The following TOGARAM1 variants were observed in gnomAD, a reference collection of about 807,000 sequenced individuals.
The protein encoded by TOGARAM1 is TOG array regulator of axonemal microtubules protein 1.
A neutral mutation model predicts 166.6 loss-of-function variants in TOGARAM1; 100 were observed. That is an observed-to-expected ratio of 0.60 (90% confidence interval 0.51 to 0.71). The LOEUF (loss-of-function observed/expected upper bound fraction) is 0.71. Among genes scored for constraint, TOGARAM1 ranks in the 30% least tolerant of loss-of-function variants. TOGARAM1 has a pLI of 0.00. For missense variants in TOGARAM1, 2,029 were observed against 2,102.7 expected (o/e 0.96, Z 0.69); for synonymous variants, 758 against 763.8 (o/e 0.99, Z 0.13).
At position 44,962,605 on chromosome 14, in the gene TOGARAM1, A is replaced by G; in HGVS notation, c.184A>G (p.Thr62Ala). The change falls in exon 1 of 20, where the codon ACT becomes GCT. Residue 62 changes from threonine (T) to alanine (A), a missense_variant. Physicochemically the swap from Thr to Ala is moderately conservative, Grantham distance 58. Coordinates refer to ENST00000361462, the MANE Select transcript of TOGARAM1 (RefSeq NM_001308120.2). ...TGCGGGGGACCACGGTTCCTGCCCC[A>G]CTACAACTTCGCCTCTGGCCTCGGC... ...GAAGDHGSCP[T>A]TTSPLASALL... The G allele has an allele frequency of 6.2e-7, 1 of 1,613,642 alleles. No homozygotes were observed. The highest frequency in any genetic ancestry group is 1.1e-5 in the South Asian group (1 of 91,032).
At chr14:44,997,449 T>C (rs1887475513) in intron 2 of TOGARAM1, 1 of 148,858 alleles carries the variant, frequency 6.7e-6, no homozygotes, top group Non-Finnish European at 1.5e-5. Flanking sequence ...TGGATTCTGA[T>C]TATATGTCAG....
At chr14:45,008,239 CTTTTTTT>C (rs762193120) in intron 5 of TOGARAM1, 1 of 134,144 alleles carries the variant, frequency 7.5e-6, no homozygotes, top group African/African-American at 2.7e-5. Flanking sequence ...TCTGGATTTC[CTTTTTTT>C]TTTTTTTTTT....
chr14:44,976,112 A>C (rs913643659), intron 1 of TOGARAM1, among the ~76,000 whole-genome samples: 1 of 152,122 alleles, frequency 6.6e-6, no homozygotes, highest in Non-Finnish European at 1.5e-5. Flanking sequence ...AGAGTTCTCA[A>C]ATCTCACCCC....
In TOGARAM1 at chr14:44,963,198, C is replaced by A. The variant is rs1885296806; in HGVS notation, c.777C>A (p.Ser259=). ...TGGATCTCACCGAGGTGATAATATCCCTAGCCCGAAAGCTTGGTGATCAGG... is the reference window on the plus strand; with the variant it reads ...TGGATCTCACCGAGGTGATAATATCACTAGCCCGAAAGCTTGGTGATCAGG... ...LGLDLTEVII[S]LARKLGDQET... The change falls in exon 1 of 20, where the codon TCC becomes TCA. Residue 259 remains serine, a synonymous_variant. Transcript: ENST00000361462. 6.2e-7 allele frequency: 1 copy of A among 1,614,042 alleles called. No homozygotes were observed. The highest frequency in any genetic ancestry group is 1.3e-5 in the African/African-American group (1 of 74,900).
intron 16 of TOGARAM1, among the ~76,000 whole-genome samples, chr14:45,061,033 A>G (rs1417575174): frequency 2.0e-5 from 3 of 152,226 alleles, no homozygotes; most frequent in Non-Finnish European, 4.4e-5. Flanking sequence ...AGCAATTAGT[A>G]CATGGTTTTT....
rs1033150655 is a variant in TOGARAM1 at position 45,006,245 on chromosome 14, A to G, written c.2882A>G (p.Asp961Gly). The G allele has an allele frequency of 3.7e-6, 6 of 1,611,612 alleles. No homozygotes were observed. Among genetic ancestry groups the G allele is most frequent in the Non-Finnish European group, 5.1e-6 (6 of 1,178,450 alleles). Residue 961 changes from aspartate (D) to glycine (G), a missense_variant, in exon 5 of 20, where the codon GAT becomes GGT. By Grantham distance (94) the Asp-to-Gly change is moderately conservative (BLOSUM62 -1). Around this residue, in one of 2 missense-constraint regions of TOGARAM1, gnomAD observed 1,453 missense variants for 1,432.2 expected, o/e 1.01. Coordinates refer to ENST00000361462, the MANE Select transcript of TOGARAM1 (RefSeq NM_001308120.2). ...PIDLSELNFK[D>G]KDLDQEEMHS... The stretch of plus-strand genomic sequence containing the variant: ...GATCTTTCAGAATTAAATTTCAAGG[A>G]TAAAGATTTGGATCAAGAAGAGGTT...
chr14:44,964,390 A>C lies in TOGARAM1; in HGVS notation c.1969A>C (p.Asn657His). Residue 657 changes from asparagine to histidine, a missense_variant, in exon 1 of 20, where the codon AAT (asparagine) becomes CAT (histidine). Transcript: ENST00000361462. The part of the protein sequence containing the change: ...RRVLSAGKGK[N>H]KLPWENEQPG... Reference sequence around the variant, plus strand: ...GGTATTAAGTGCAGGAAAAGGAAAAAATAAATTACCATGGGAAAATGAGCA... The same window carrying C: ...GGTATTAAGTGCAGGAAAAGGAAAACATAAATTACCATGGGAAAATGAGCA... 1.2e-6 allele frequency: 2 copies of C among 1,613,412 alleles called. No individual in the cohort carries two copies. Among genetic ancestry groups the C allele is most frequent in the Non-Finnish European group, 8.5e-7 (1 of 1,179,682 alleles).
Position 44,999,362 on chromosome 14 carries a change from G to A in TOGARAM1, c.2204-1G>A. ...GTTTTCTCCCTTCCTTTCTTCAAAA[G>A]GTACTACTGGGACTCATCAAACAAA... On this transcript the variant is annotated splice_acceptor_variant, in intron 2 of 19. Coordinates refer to ENST00000361462, the MANE Select transcript of TOGARAM1 (RefSeq NM_001308120.2). LOFTEE classifies it high-confidence loss of function. The A allele has an allele frequency of 6.5e-7, 1 of 1,548,694 alleles. No homozygotes were observed. The highest frequency in any genetic ancestry group is 8.7e-7 in the Non-Finnish European group (1 of 1,144,350).
In TOGARAM1 at chr14:44,962,817, C is replaced by G; in HGVS notation, c.396C>G (p.Arg132=). The G allele has an allele frequency of 3.7e-6, 6 of 1,612,810 alleles. No homozygotes were observed. Among genetic ancestry groups the G allele is most frequent in the Non-Finnish European group, 5.1e-6 (6 of 1,180,014 alleles). The change falls in exon 1 of 20, where the codon CGC becomes CGG. Residue 132 remains arginine, a synonymous_variant. Coordinates refer to ENST00000361462, the MANE Select transcript of TOGARAM1 (RefSeq NM_001308120.2). The part of the protein sequence containing the change: ...RRGGRLGFPR[R]KEALYRALGR... ...GCGGTCGACTTGGCTTCCCCCGACGCAAGGAAGCTTTGTATCGGGCACTGG... is the reference window on the plus strand; with the variant it reads ...GCGGTCGACTTGGCTTCCCCCGACGGAAGGAAGCTTTGTATCGGGCACTGG...
chr14:45,054,070 C>G (rs918804715), intron 15 of TOGARAM1, among the ~76,000 whole-genome samples: 3 of 151,932 alleles, frequency 2.0e-5, no homozygotes, highest in African/African-American at 7.3e-5. Flanking sequence ...AGGGTTTCCC[C>G]ATGTTGGCCA....
intron 16 of TOGARAM1, among the ~76,000 whole-genome samples, chr14:45,055,800 C>CA (rs35535638): frequency 0.04 from 1,859 of 46,434 alleles, 49 homozygotes; most frequent in Admixed American, 0.067. Flanking sequence ...GACTCCATCT[C>CA]AAAAAAAAAA....
In TOGARAM1 at chr14:44,963,952, C is replaced by G. The variant is rs3742591; in HGVS notation, c.1531C>G (p.Leu511Val). ...TAGTGAGGATTTTGACTTGCCCAAACTGTCCTTTGATCTTGCCCCAGCTCT... is the reference window on the plus strand; with the variant it reads ...TAGTGAGGATTTTGACTTGCCCAAAGTGTCCTTTGATCTTGCCCCAGCTCT... ...YPSEDFDLPK[L>V]SFDLAPALVD... Residue 511 changes from leucine (L) to valine (V), a missense_variant, in exon 1 of 20, where the codon CTG (leucine) becomes GTG (valine). Coordinates refer to ENST00000361462, the MANE Select transcript of TOGARAM1 (RefSeq NM_001308120.2). 70,178 of 1,614,062 alleles carry G rather than the reference C, an allele frequency of 0.043. 2,198 individuals carry two copies. Among genetic ancestry groups the G allele is most frequent in the East Asian group, 0.13 (5,703 of 44,862 alleles).
Position 45,073,652 on chromosome 14 carries a change from C to A in TOGARAM1, c.*91C>A. 1 of 1,207,718 alleles carries A rather than the reference C, an allele frequency of 8.3e-7. No individual in the cohort carries two copies. The highest frequency in any genetic ancestry group is 1.1e-6 in the Non-Finnish European group (1 of 878,036). 74.8% of individuals were successfully genotyped at this position (1,207,718 alleles called of 1,614,324 possible). A position where few individuals can be genotyped will look rare whatever the true frequency, so the allele number is the denominator to read the frequency against. On this transcript the variant is annotated 3_prime_UTR_variant, in exon 20 of 20. Coordinates refer to ENST00000361462, the MANE Select transcript of TOGARAM1 (RefSeq NM_001308120.2). ...AGTTATGTTATCAGTGCCTGCACTT[C>A]ACATCCAGCAAATTAAGTCAATGGC...
At chr14:44,984,414 A>C (rs929116734) in intron 1 of TOGARAM1, among the ~76,000 whole-genome samples, 1 of 151,984 alleles carries the variant, frequency 6.6e-6, no homozygotes, top group African/African-American at 2.4e-5. Flanking sequence ...AAAAATTTTA[A>C]ATAAATTTAA....
chr14:45,057,591 A>G (rs1018456998), intron 16 of TOGARAM1, among the ~76,000 whole-genome samples: 1 of 152,098 alleles, frequency 6.6e-6, no homozygotes, highest in Non-Finnish European at 1.5e-5. Flanking sequence ...ATTTAATGCT[A>G]TAAATTTCCC....
At chr14:45,030,591 G>T (rs1881102180) in intron 10 of TOGARAM1, among the ~76,000 whole-genome samples, 1 of 151,850 alleles carries the variant, frequency 6.6e-6, no homozygotes, top group South Asian at 2.1e-4. Flanking sequence ...CCTAATGAGG[G>T]TCCATCTGAA....
chr14:45,045,719 A>C (rs1042221088), intron 13 of TOGARAM1, among the ~76,000 whole-genome samples: 1 of 134,400 alleles, frequency 7.4e-6, no homozygotes, highest in African/African-American at 2.9e-5. Flanking sequence ...ATATATACAC[A>C]TATATACACA....
chr14:45,004,429 T>A, intron 4 of TOGARAM1, 63 bp downstream of exon 4: 1 of 1,312,314 alleles, frequency 7.6e-7, no homozygotes, highest in Non-Finnish European at 1.1e-6. Flanking sequence ...AGTTAATGCA[T>A]AGGGCTGTTA....
rs529220452 is a variant in TOGARAM1, at chr14:45,008,545, C to G, written c.2905-368C>G. Among the ~76,000 whole-genome samples, 1,213 of 152,264 alleles carry G rather than the reference C, an allele frequency of 8.0e-3. 9 individuals are homozygous for G. Among genetic ancestry groups the G allele is most frequent in the Non-Finnish European group, 0.014 (942 of 68,010 alleles). ...AGAGCTAGCTTCTAAGCCACATTAG[C>G]ACACCAGGTGTACCTCTGTGACATC... On this transcript the variant is annotated intron_variant, in intron 5 of 19. Coordinates refer to ENST00000361462, the MANE Select transcript of TOGARAM1 (RefSeq NM_001308120.2).
Sources: allele counts gnomAD v4.1 joint callset (sites outside exome capture counted in the v4.1 genomes callset), GRCh38; gene constraint gnomAD v4.1.1; regional missense constraint gnomAD v4.1.1; transcripts MANE v1.5; gene names NCBI Gene and HGNC (gene_info 2026-07-23, HGNC 2026-07-21).